Variants in SEMA5A observed in about 807,000 individuals in gnomAD.
SEMA5A encodes semaphorin 5A.
A neutral mutation model predicts 135.5 loss-of-function variants in SEMA5A; 55 were observed. That is an observed-to-expected ratio of 0.41 (90% CI 0.33 to 0.51). The LOEUF (loss-of-function observed/expected upper bound fraction) is 0.51. Among genes scored for constraint, SEMA5A ranks in the 20% least tolerant of loss-of-function variants. The probability of loss-of-function intolerance (pLI) is 0.37; values close to 1 mark genes in which losing one functional copy is unlikely to be tolerated. For missense variants in SEMA5A, 1,290 were observed against 1,419.9 expected (o/e 0.91, Z 1.47); for synonymous variants, 580 against 546.5 (o/e 1.06, Z -0.85).
rs76709309 is a variant in SEMA5A at position 9,180,505 on chromosome 5, T to TAA, written c.1273+9760_1273+9761dup. On this transcript the variant is annotated intron_variant, in intron 11 of 22. Coordinates refer to ENST00000382496, the MANE Select transcript of SEMA5A (RefSeq NM_003966.3). ...AGAAGGACAGAATTTGGAGTGAATG[T>TAA]AAAAAAAAAAATTCCAACATGATAG... Among the ~76,000 whole-genome samples, 26 of 149,030 alleles carry TAA rather than the reference T, an allele frequency of 1.7e-4. 1 individual carries two copies. The South Asian group carries it at 3.4e-3, about 19-fold the overall frequency.
At chr5:9,221,379 T>G (rs1051941789) in intron 8 of SEMA5A, among the ~76,000 whole-genome samples, 1 of 146,846 alleles carries the variant, frequency 6.8e-6, no homozygotes, top group Non-Finnish European at 1.5e-5. Context: ...CTCGGCTTAC[T>G]GCAAGCTCCG....
At chr5:9,436,174 C>A (rs763335438) in intron 2 of SEMA5A, among the ~76,000 whole-genome samples, 1 of 152,202 alleles carries the variant, frequency 6.6e-6, no homozygotes, top group African/African-American at 2.4e-5. Context: ...TTAAACATCT[C>A]ACTCAGCACA....
intron 1 of SEMA5A, among the ~76,000 whole-genome samples, chr5:9,532,954 C>G (rs949315593): frequency 1.2e-4 from 18 of 152,338 alleles, no homozygotes; most frequent in African/African-American, 4.1e-4. Flanking sequence ...TGCAACTGCT[C>G]CCAATTTCAT....
intron 11 of SEMA5A, among the ~76,000 whole-genome samples, chr5:9,163,459 T>A (rs1743409288): frequency 6.6e-6 from 1 of 152,234 alleles, no homozygotes. Flanking sequence ...TTTCAATGTT[T>A]AAGTAGCTAA....
intron 6 of SEMA5A, among the ~76,000 whole-genome samples, chr5:9,235,762 G>A (rs767134179): frequency 6.6e-6 from 1 of 152,160 alleles, no homozygotes; most frequent in South Asian, 2.1e-4. Context: ...AGAAAAAGAG[G>A]AGAGGAAAGA....
At chr5:9,199,470 C>T (rs956381604) in intron 9 of SEMA5A, among the ~76,000 whole-genome samples, 12 of 152,302 alleles carry the variant, frequency 7.9e-5, no homozygotes, top group Non-Finnish European at 1.3e-4. Flanking sequence ...CATATTCACT[C>T]GCTTCTTCAG....
At chr5:9,173,331 T>C (rs1319092302) in intron 11 of SEMA5A, among the ~76,000 whole-genome samples, 1 of 147,640 alleles carries the variant, frequency 6.8e-6, no homozygotes, top group East Asian at 2.1e-4. Context: ...TACATAATTA[T>C]AATTTCAGAT....
At chr5:9,415,264 G>A (rs1447498736) in intron 2 of SEMA5A, among the ~76,000 whole-genome samples, 1 of 152,194 alleles carries the variant, frequency 6.6e-6, no homozygotes, top group Non-Finnish European at 1.5e-5. Flanking sequence ...CAATTTAGAA[G>A]AAGCTTTGTA....
At chr5:9,201,385 C>CA (rs1433000835) in intron 9 of SEMA5A, among the ~76,000 whole-genome samples, 1 of 152,044 alleles carries the variant, frequency 6.6e-6, no homozygotes, top group African/African-American at 2.4e-5. Flanking sequence ...CACCCCCAGA[C>CA]AAAAAATACT....
chr5:9,345,200 A>C (rs1341985588), intron 3 of SEMA5A, among the ~76,000 whole-genome samples: 1 of 152,200 alleles, frequency 6.6e-6, no homozygotes, highest in Non-Finnish European at 1.5e-5. Flanking sequence ...CATTGTTTCC[A>C]ATGGAATTCT....
chr5:9,353,682 G>GA (rs1187635061), intron 3 of SEMA5A, among the ~76,000 whole-genome samples: 3 of 152,108 alleles, frequency 2.0e-5, no homozygotes, highest in Non-Finnish European at 2.9e-5. Flanking sequence ...ATCTTCCGGT[G>GA]AAAATGATAA....
At chr5:9,182,742 C>T (rs189421814) in intron 11 of SEMA5A, among the ~76,000 whole-genome samples, 214 of 151,298 alleles carry the variant, frequency 1.4e-3, no homozygotes, top group African/African-American at 4.9e-3. Flanking sequence ...TATACAATGG[C>T]GGATCCTGTA....
intron 1 of SEMA5A, among the ~76,000 whole-genome samples, chr5:9,451,449 T>C (rs1758641508): frequency 1.3e-5 from 2 of 152,204 alleles, no homozygotes. Context: ...AGAAGGGGCA[T>C]AGCTATCCAT....
At chr5:9,291,304 C>T (rs145513802) in intron 5 of SEMA5A, among the ~76,000 whole-genome samples, 205 of 152,292 alleles carry the variant, frequency 1.3e-3, no homozygotes, top group Non-Finnish European at 2.5e-3. Context: ...GGCTCTCCTG[C>T]ATGCAACCTG....
intron 2 of SEMA5A, among the ~76,000 whole-genome samples, chr5:9,425,686 T>C (rs961063127): frequency 6.6e-6 from 1 of 152,222 alleles, no homozygotes; most frequent in African/African-American, 2.4e-5. Flanking sequence ...CCTCAAAATA[T>C]TTGCTAGCTC....
intron 1 of SEMA5A, among the ~76,000 whole-genome samples, chr5:9,478,812 G>C (rs780242435): frequency 6.6e-6 from 1 of 152,180 alleles, no homozygotes; most frequent in Non-Finnish European, 1.5e-5. Context: ...ACTGGAATGA[G>C]TTAAGACTTT....
chr5:9,395,041 AT>A (rs1291341502), intron 2 of SEMA5A, among the ~76,000 whole-genome samples: 1 of 152,178 alleles, frequency 6.6e-6, no homozygotes, highest in Non-Finnish European at 1.5e-5. Flanking sequence ...TAAAAATATA[AT>A]TCTATATTAA....
chr5:9,378,101 T>C (rs1755443452), intron 3 of SEMA5A, among the ~76,000 whole-genome samples: 1 of 152,082 alleles, frequency 6.6e-6, no homozygotes, highest in Admixed American at 6.5e-5. Context: ...ATAATTATAA[T>C]AATCAAAATA....
chr5:9,221,748 AC>A (rs1747011824), intron 8 of SEMA5A, among the ~76,000 whole-genome samples: 3 of 152,174 alleles, frequency 2.0e-5, no homozygotes, highest in African/African-American at 7.2e-5. Flanking sequence ...TCAGCTACAG[AC>A]CCCGAGTGAC....
Sources: allele counts gnomAD v4.1 joint callset (sites outside exome capture counted in the v4.1 genomes callset), GRCh38; gene constraint gnomAD v4.1.1; transcripts MANE v1.5; gene names NCBI Gene and HGNC (gene_info 2026-07-23, HGNC 2026-07-21).